The following RMND5A variants were observed in gnomAD, a reference collection of about 807,000 sequenced individuals.
The protein encoded by RMND5A is required for meiotic nuclear division 5 homolog A.
Under a neutral mutation model 49.7 loss-of-function variants are expected in RMND5A, and 17 were observed. The ratio of observed to expected loss-of-function variants is 0.34; its 90% CI spans 0.23 to 0.51. The LOEUF is 0.51. RMND5A is among the 20% of genes least tolerant of loss of function. The pLI is 0.96. For synonymous variants in RMND5A, 156 were observed against 167.7 expected (o/e 0.93, Z 0.54); for missense variants, 255 against 471.3 (o/e 0.54, Z 4.25).
intron 6 of RMND5A, among the ~76,000 whole-genome samples, chr2:86,766,454 A>G (rs1310238322): frequency 1.3e-5 from 2 of 152,122 alleles, no homozygotes; most frequent in South Asian, 2.1e-4. Flanking sequence ...TCACGAGATC[A>G]GGAGTTTGAG....
intron 6 of RMND5A, among the ~76,000 whole-genome samples, chr2:86,768,031 T>C (rs1020111995): frequency 2.6e-5 from 4 of 152,340 alleles, no homozygotes; most frequent in Non-Finnish European, 4.4e-5. Context: ...CTCACACATA[T>C]ATTTTTGTTT....
chr2:86,758,601 A>G (rs1681788613), intron 4 of RMND5A, among the ~76,000 whole-genome samples: 1 of 152,132 alleles, frequency 6.6e-6, no homozygotes, highest in African/African-American at 2.4e-5. Flanking sequence ...ACCTCATGTA[A>G]AAGGGTGTGT....
At chr2:86,761,753 G>T (rs1672492803) in intron 4 of RMND5A, among the ~76,000 whole-genome samples, 1 of 152,168 alleles carries the variant, frequency 6.6e-6, no homozygotes, top group Non-Finnish European at 1.5e-5. Flanking sequence ...CCTCCTCCCA[G>T]TTCCTTTTTG....
At chr2:86,732,319 C>T (rs1455252509) in intron 1 of RMND5A, among the ~76,000 whole-genome samples, 1 of 150,404 alleles carries the variant, frequency 6.6e-6, no homozygotes, top group African/African-American at 2.5e-5. Flanking sequence ...ACCCCCTCCC[C>T]CCATATCATA....
chr2:86,747,922 A>G (rs1361266873), intron 2 of RMND5A, among the ~76,000 whole-genome samples: 3 of 152,170 alleles, frequency 2.0e-5, no homozygotes, highest in Non-Finnish European at 4.4e-5. Context: ...CTTCCAAGTC[A>G]GAACATCCTC....
rs151318269 is a variant in RMND5A, at chr2:86,726,121, C to T, written c.142+5312C>T. Reference sequence around the variant, plus strand: ...AACTCATTGCTGTGGTATGATATTGCATCAGTACACAAAAACCAGAGGTTG... The same window carrying T: ...AACTCATTGCTGTGGTATGATATTGTATCAGTACACAAAAACCAGAGGTTG... On this transcript the variant is annotated intron_variant, in intron 1 of 8. Transcript: ENST00000283632. 2.3e-3 allele frequency among the ~76,000 whole-genome samples: 177 copies of T among 75,478 alleles called. 85 individuals carry two copies. In the East Asian group the frequency reaches 0.21, roughly 90 times the overall value. 49.5% of individuals were successfully genotyped at this position (75,478 alleles called of 152,430 possible). A position where few individuals can be genotyped will look rare whatever the true frequency, so the allele number is the denominator to read the frequency against.
intron 4 of RMND5A, among the ~76,000 whole-genome samples, chr2:86,761,880 A>C (rs1290150991): frequency 1.3e-5 from 2 of 152,218 alleles, no homozygotes; most frequent in Non-Finnish European, 2.9e-5. Flanking sequence ...GAAACTGTGC[A>C]AACATAAATT....
At chr2:86,747,730 T>C (rs1681561317) in intron 2 of RMND5A, among the ~76,000 whole-genome samples, 1 of 152,230 alleles carries the variant, frequency 6.6e-6, no homozygotes, top group Non-Finnish European at 1.5e-5. Flanking sequence ...TTATAAAATA[T>C]ATTTGAGAAA....
Position 86,765,926 on chromosome 2 carries a change from C to A in RMND5A, c.756C>A (p.His252Gln). Residue 252 changes from histidine (H) to glutamine (Q), a missense_variant, in exon 6 of 9, where the codon CAC becomes CAA. His to Gln is a conservative substitution (Grantham distance 24). Around this residue, in one of 3 missense-constraint regions of RMND5A, gnomAD observed 208 missense variants for 339.8 expected, o/e 0.61. Transcript: ENST00000283632. ...GGATTGAGAACTCACCATATGTTCA[C>A]CTACTTGATGCAAACCAGTGGGCTG... Reference protein sequence around the residue: ...RQGIENSPYVHLLDANQWADI... With the variant: ...RQGIENSPYVQLLDANQWADI... 7 of 1,614,158 alleles carry A rather than the reference C, an allele frequency of 4.3e-6. No homozygotes were observed. The highest frequency in any genetic ancestry group is 5.9e-6 in the Non-Finnish European group (7 of 1,179,994).
rs527375084 is a variant in RMND5A at position 86,723,024 on chromosome 2, C to T, written c.142+2215C>T. 2.7e-5 allele frequency among the ~76,000 whole-genome samples: 2 copies of T among 73,780 alleles called. 1 individual carries two copies. The highest frequency in any genetic ancestry group is 5.1e-5 in the Non-Finnish European group (2 of 38,980). 48.4% of individuals were successfully genotyped at this position (73,780 alleles called of 152,430 possible). A position where few individuals can be genotyped will look rare whatever the true frequency, so the allele number is the denominator to read the frequency against. On this transcript the variant is annotated intron_variant, in intron 1 of 8. Transcript: ENST00000283632. ...TGAGTTTGTGTGTTCCCTTTTCAGC[C>T]TCCTAATTTTTTCCCTCTTGTCTAC...
Position 86,720,773 on chromosome 2 carries a change from A to G in RMND5A, c.106A>G (p.Thr36Ala), listed in dbSNP as rs1234244365. ...ERGLEELIDYTGGLKHEILQS... is the reference protein window; with the variant it reads ...ERGLEELIDYAGGLKHEILQS... ...CGGCCTGGAGGAGCTCATCGACTAC[A>G]CCGGCGGCCTCAAGCACGAGATCCT... is the stretch of plus-strand genomic sequence containing the variant. The change falls in exon 1 of 9, where the codon ACC becomes GCC. Residue 36 changes from threonine (T) to alanine (A), a missense_variant. Coordinates refer to ENST00000283632, the MANE Select transcript of RMND5A (RefSeq NM_022780.4). 5.6e-6 allele frequency: 9 copies of G among 1,595,258 alleles called. No individual in the cohort carries two copies. The highest frequency in any genetic ancestry group is 7.7e-6 in the Non-Finnish European group (9 of 1,171,922).
chr2:86,766,430 C>G (rs1009011503), intron 6 of RMND5A, among the ~76,000 whole-genome samples: 4 of 151,936 alleles, frequency 2.6e-5, no homozygotes, highest in Non-Finnish European at 5.9e-5. Flanking sequence ...TTTTAGGAGG[C>G]CTAGGAGGGT....
At chr2:86,758,265 G>T (rs954663207) in intron 4 of RMND5A, among the ~76,000 whole-genome samples, 4 of 152,064 alleles carry the variant, frequency 2.6e-5, no homozygotes, top group African/African-American at 9.7e-5. Flanking sequence ...TTATGTATAC[G>T]TACATTTTTA....
At chr2:86,771,158 A>T (rs1389976191) in intron 7 of RMND5A, 1 of 161,400 alleles carries the variant, frequency 6.2e-6, no homozygotes, top group Admixed American at 6.0e-5. Flanking sequence ...AAGTGAAAAG[A>T]ACTTGAGCCT....
At chr2:86,747,516 C>G (rs1681558207) in intron 2 of RMND5A, among the ~76,000 whole-genome samples, 2 of 152,180 alleles carry the variant, frequency 1.3e-5, no homozygotes, top group Admixed American at 1.3e-4. Flanking sequence ...ACTGCTAAAC[C>G]AGATTAACTG....
rs774578732 is a variant in RMND5A at position 86,765,082 on chromosome 2, A to G, written c.577A>G (p.Lys193Glu). The part of the protein sequence containing the change: ...LIAQNSSLEF[K>E]LHRLYFISLL... ...AGCTCAAAACAGCTCCTTGGAATTT[A>G]AGCTACACAGACTGTATTTTATTAG... Residue 193 changes from lysine (K) to glutamate (E), a missense_variant, in exon 5 of 9, where the codon AAG (lysine) becomes GAG (glutamate). This residue lies in a region of RMND5A where 208 missense variants were observed against 339.8 expected (regional missense o/e 0.61). Coordinates refer to ENST00000283632, the MANE Select transcript of RMND5A (RefSeq NM_022780.4). The G allele has an allele frequency of 6.2e-7, 1 of 1,613,966 alleles. No homozygotes were observed. Among genetic ancestry groups the G allele is most frequent in the Non-Finnish European group, 8.5e-7 (1 of 1,179,930 alleles).
intron 6 of RMND5A, among the ~76,000 whole-genome samples, chr2:86,768,902 A>G (rs80117628): frequency 0.015 from 2,311 of 152,342 alleles, 70 homozygotes; most frequent in African/African-American, 0.052. Flanking sequence ...GTTTTGTGCA[A>G]TATAAAACCT....
At chr2:86,756,579 CAG>C (rs1185724587) in intron 4 of RMND5A, among the ~76,000 whole-genome samples, 7 of 152,160 alleles carry the variant, frequency 4.6e-5, no homozygotes, top group Non-Finnish European at 7.4e-5. Context: ...TACAACAATT[CAG>C]ATTTTTCCAA....
chr2:86,758,804 T>C (rs1269070134), intron 4 of RMND5A, among the ~76,000 whole-genome samples: 1 of 152,254 alleles, frequency 6.6e-6, no homozygotes, highest in Non-Finnish European at 1.5e-5. Context: ...GAGTGTTCTT[T>C]TCAGTCTCTA....
Sources: gnomAD v4.1 joint callset for allele counts (sites outside exome capture counted in the v4.1 genomes callset) on GRCh38, gnomAD v4.1.1 for gene constraint, gnomAD v4.1.1 regional missense constraint, MANE v1.5 for transcripts, NCBI Gene and HGNC (gene_info 2026-07-23, HGNC 2026-07-21) for gene names.